MACROD1: variants seen among roughly 807,000 people sequenced by gnomAD.
MACROD1 encodes the protein mono-ADP ribosylhydrolase 1.
Under a neutral mutation model 41.4 loss-of-function variants are expected in MACROD1, and 31 were observed. That is an observed-to-expected ratio of 0.75 (90% CI 0.56 to 1.01). MACROD1 has a LOEUF of 1.01. Among genes scored for constraint, MACROD1 ranks in the 50% least tolerant of loss-of-function variants. MACROD1 has a pLI of 0.00. For missense variants in MACROD1, 473 were observed against 460.0 expected, an observed-to-expected ratio of 1.03 and a Z score of -0.26; for synonymous variants, 252 against 203.4, an observed-to-expected ratio of 1.24 and a Z score of -2.03.
At chr11:64,127,668 C>T (rs1028288292) in intron 3 of MACROD1, among the ~76,000 whole-genome samples, 2 of 152,218 alleles carry the variant, frequency 1.3e-5, no homozygotes, top group Admixed American at 6.5e-5. Flanking sequence ...CAGAGCTGAA[C>T]GTAGACTCCG....
intron 3 of MACROD1, among the ~76,000 whole-genome samples, chr11:64,042,149 C>T (rs916411297): frequency 2.0e-5 from 3 of 152,172 alleles, no homozygotes; most frequent in Non-Finnish European, 4.4e-5. Flanking sequence ...ACGCTCACAC[C>T]TCTGGTGGGC....
At chr11:64,041,032 T>TA (rs1943474335) in intron 3 of MACROD1, among the ~76,000 whole-genome samples, 1 of 151,694 alleles carries the variant, frequency 6.6e-6, no homozygotes, top group South Asian at 2.1e-4. Context: ...GGCTTATACT[T>TA]AATTAAAACT....
chr11:64,001,629 T>A, intron 4 of MACROD1: 1 of 701,130 alleles, frequency 1.4e-6, no homozygotes, highest in South Asian at 1.5e-5. Flanking sequence ...TCCCAGAGCG[T>A]CCCAGGGATG....
intron 3 of MACROD1, among the ~76,000 whole-genome samples, chr11:64,091,464 T>C (rs1002304751): frequency 9.5e-5 from 7 of 73,542 alleles, no homozygotes; most frequent in Non-Finnish European, 1.9e-4. Flanking sequence ...GGGAGGTGGA[T>C]GTGGGGGACG....
chr11:64,010,721 G>T (rs1590797867), intron 4 of MACROD1, among the ~76,000 whole-genome samples: 1 of 150,168 alleles, frequency 6.7e-6, no homozygotes, highest in East Asian at 2.0e-4. Flanking sequence ...GTTGGTTGGG[G>T]TGTTGGTTGG....
Position 64,079,681 on chromosome 11 carries a change from G to A in MACROD1, c.518-64400C>T, listed in dbSNP as rs188419570. ...GTGGGAGCAGAGACCCCTGGAGGAG[G>A]TGTGGTTGGGGAAAGGAAGGACTGG... On this transcript the variant is annotated intron_variant, in intron 3 of 10. Transcript: ENST00000255681. Among the ~76,000 whole-genome samples the A allele has an allele frequency of 2.1e-3, 319 of 152,266 alleles. 1 individual carries two copies. The highest frequency in any genetic ancestry group is 1.6e-3 in the Non-Finnish European group (112 of 67,996).
chr11:64,069,823 C>T (rs930504108), intron 3 of MACROD1, among the ~76,000 whole-genome samples: 4 of 152,192 alleles, frequency 2.6e-5, no homozygotes, highest in African/African-American at 4.8e-5. Context: ...GGCTTCTTAT[C>T]GACAGTCATT....
At chr11:64,065,779 G>A (rs1259741669) in intron 3 of MACROD1, among the ~76,000 whole-genome samples, 1 of 129,382 alleles carries the variant, frequency 7.7e-6, no homozygotes, top group South Asian at 2.5e-4. Context: ...GACAGAGCAC[G>A]ACTCCGCCTC....
intron 1 of MACROD1, among the ~76,000 whole-genome samples, chr11:64,160,814 T>TAAAAAA (rs34275911): frequency 9.0e-6 from 1 of 111,112 alleles, no homozygotes; most frequent in Non-Finnish European, 1.8e-5. Context: ...AGACCATATC[T>TAAAAAA]AAAAAAAAAA....
chr11:64,117,954 C>T, intron 3 of MACROD1: 2 of 1,613,724 alleles, frequency 1.2e-6, no homozygotes, highest in South Asian at 2.2e-5. Flanking sequence ...GGCAGTGGCT[C>T]TGGTCTTCCT....
intron 3 of MACROD1, among the ~76,000 whole-genome samples, chr11:64,144,743 G>A (rs929816509): frequency 3.9e-5 from 6 of 152,366 alleles, no homozygotes; most frequent in East Asian, 1.9e-4. Flanking sequence ...TCGCTGGCCC[G>A]GCCATCTCCC....
chr11:64,088,607 G>GT (rs397793676), intron 3 of MACROD1, among the ~76,000 whole-genome samples: 1 of 152,032 alleles, frequency 6.6e-6, no homozygotes, highest in Non-Finnish European at 1.5e-5. Context: ...TCCTCCCCGG[G>GT]TTTTGTTTTT....
intron 3 of MACROD1, among the ~76,000 whole-genome samples, chr11:64,077,124 G>A (rs1335123238): frequency 6.6e-6 from 1 of 152,136 alleles, no homozygotes; most frequent in Non-Finnish European, 1.5e-5. Context: ...TCCAGCCTCG[G>A]GTAGGCCTGA....
At chr11:64,165,129 C>A (rs546577847) in intron 1 of MACROD1, among the ~76,000 whole-genome samples, 1 of 152,156 alleles carries the variant, frequency 6.6e-6, no homozygotes, top group African/African-American at 2.4e-5. Context: ...CATCAGAGTG[C>A]GGGCTTGGGG....
chr11:64,081,718 C>G (rs901055531), intron 3 of MACROD1: 2 of 152,096 alleles, frequency 1.3e-5, no homozygotes, highest in African/African-American at 4.8e-5. Context: ...GAAGCCTGTT[C>G]CTGCTTGGGG....
At chr11:64,144,947 A>G (rs1402426583) in intron 3 of MACROD1, among the ~76,000 whole-genome samples, 1 of 152,194 alleles carries the variant, frequency 6.6e-6, no homozygotes, top group Middle Eastern at 3.2e-3. Context: ...ACTGACTCCA[A>G]GCAGTGCCCA....
At chr11:64,065,111 C>T (rs892948591) in intron 3 of MACROD1, among the ~76,000 whole-genome samples, 2 of 152,220 alleles carry the variant, frequency 1.3e-5, no homozygotes, top group African/African-American at 4.8e-5. Context: ...AGAGACTTCC[C>T]AGAGGAGAAC....
intron 3 of MACROD1, among the ~76,000 whole-genome samples, chr11:64,024,705 G>C (rs142774946): frequency 6.6e-6 from 1 of 152,250 alleles, no homozygotes; most frequent in South Asian, 2.1e-4. Flanking sequence ...GCCTTGGCGG[G>C]TGGGAGGGTG....
intron 10 of MACROD1, 24 bp downstream of exon 10, chr11:63,998,814 C>G: frequency 6.6e-7 from 1 of 1,509,756 alleles, no homozygotes; most frequent in Admixed American, 2.2e-5. Flanking sequence ...CCGGGGCCGC[C>G]GCACGGGGCG....
Sources: allele counts gnomAD v4.1 joint callset (sites outside exome capture counted in the v4.1 genomes callset), GRCh38; gene constraint gnomAD v4.1.1; transcripts MANE v1.5; gene names NCBI Gene and HGNC (gene_info 2026-07-23, HGNC 2026-07-21).